Variants in CRAT observed in about 807,000 individuals in gnomAD.
CRAT encodes carnitine acetylase.
In CRAT, 66 loss-of-function variants were observed where a neutral mutation model predicts 73.7. The ratio of observed to expected loss-of-function variants is 0.90; its 90% CI spans 0.73 to 1.10. CRAT has a LOEUF of 1.10. CRAT is among the 50% of genes least tolerant of loss of function. The pLI, the probability that CRAT is intolerant of heterozygous loss-of-function variation, is 0.00. For synonymous variants in CRAT, 321 were observed against 343.2 expected, an observed-to-expected ratio of 0.94 and a Z score of 0.71; for missense variants, 745 against 846.9, an observed-to-expected ratio of 0.88 and a Z score of 1.49.
chr9:129,100,190 G>C (rs1847573726), intron 7 of CRAT: 1 of 583,398 alleles, frequency 1.7e-6, no homozygotes, highest in Non-Finnish European at 3.0e-6. Flanking sequence ...TACTCTACCG[G>C]TGAGGTTGAC....
At chr9:129,108,825 G>A in intron 1 of CRAT, 1 of 1,304,270 alleles carries the variant, frequency 7.7e-7, no homozygotes. Context: ...CTGTCTGTCT[G>A]CCTTGGCTGG....
At chr9:129,099,539 G>C (rs1446226969) in intron 8 of CRAT, among the ~76,000 whole-genome samples, 1 of 151,070 alleles carries the variant, frequency 6.6e-6, no homozygotes, top group Non-Finnish European at 1.5e-5. Flanking sequence ...CAATTCTCCT[G>C]CCTCAGCCTC....
intron 1 of CRAT, chr9:129,108,615 G>C: frequency 1.8e-6 from 2 of 1,116,982 alleles, no homozygotes; most frequent in South Asian, 2.9e-5. Context: ...CAGTGCTGTG[G>C]CGAGAGAGCC....
At position 129,110,593 on chromosome 9, in the gene CRAT, C is replaced by G. The variant is rs1318236670; in HGVS notation, c.-84G>C. The G allele has an allele frequency of 3.4e-6, 5 of 1,450,524 alleles. No homozygotes were observed. Among genetic ancestry groups the G allele is most frequent in the Non-Finnish European group, 4.6e-6 (5 of 1,093,982 alleles). 89.9% of individuals were successfully genotyped at this position (1,450,524 alleles called of 1,614,324 possible). A position where few individuals can be genotyped will look rare whatever the true frequency, so the allele number is the denominator to read the frequency against. On this transcript the variant is annotated 5_prime_UTR_variant, in exon 1 of 14. Transcript: ENST00000318080. This position sits in a 1 kb window ranked among gnomAD's most constrained non-coding sequence, Gnocchi z 5.3. ...GCGCCGCCGCCGCCGCGGCTGGGGT[C>G]GGTGGGTCCTTGCTAGAGCCTTCGG... is the stretch of plus-strand genomic sequence containing the variant.
At chr9:129,104,727 C>A (rs1847895839) in intron 2 of CRAT, among the ~76,000 whole-genome samples, 2 of 151,108 alleles carry the variant, frequency 1.3e-5, no homozygotes, top group Non-Finnish European at 2.9e-5. Flanking sequence ...GCCTCAGCCT[C>A]CTGAGTAAGT....
Position 129,110,791 on chromosome 9 carries a change from G to T in CRAT, c.-282C>A. 1.8e-6 allele frequency: 1 copy of T among 544,396 alleles called. No homozygotes were observed. Among genetic ancestry groups the T allele is most frequent in the Non-Finnish European group, 3.1e-6 (1 of 321,348 alleles). The allele number at this position is 544,396 out of a possible 1,614,324, so 33.7% of individuals were successfully genotyped here. ...CCCGGGAGGTTGGCTGTGGGGCGGG[G>T]ACGGGGCATCGATGGGGCGGAGTCT... On this transcript the variant is annotated 5_prime_UTR_variant, in exon 1 of 14. Coordinates refer to ENST00000318080, the MANE Select transcript of CRAT (RefSeq NM_000755.5). This position sits in a 1 kb window ranked among gnomAD's most constrained non-coding sequence, Gnocchi z 5.3.
chr9:129,109,362 G>T, intron 1 of CRAT: 1 of 1,097,678 alleles, frequency 9.1e-7, no homozygotes, highest in Non-Finnish European at 1.2e-6. Context: ...CCTATTTCCT[G>T]TTTCTCTCCA....
At chr9:129,109,058 A>G in intron 1 of CRAT, 4 of 1,253,588 alleles carry the variant, frequency 3.2e-6, no homozygotes, top group Non-Finnish European at 4.1e-6. Flanking sequence ...AGGAATGGGG[A>G]GCAGGTGAGA....
At chr9:129,099,665 A>G (rs999255914) in intron 8 of CRAT, among the ~76,000 whole-genome samples, 1 of 150,904 alleles carries the variant, frequency 6.6e-6, no homozygotes, top group African/African-American at 2.4e-5. Context: ...CAAACTCCTG[A>G]CCTCAATTGA....
Position 129,098,114 on chromosome 9 carries a change from C to A in CRAT, c.1363G>T (p.Ala455Ser). The stretch of plus-strand genomic sequence containing the variant: ...CCCAGGTGAAACATGCGCAGGGAGG[C>A]ACTTTCATAGGTGGCACATGCCTGT... ...YGQACATYES[A>S]SLRMFHLGRT... Residue 455 changes from alanine (A) to serine (S), a missense_variant, in exon 11 of 14, where the codon GCC becomes TCC. By Grantham distance (99) the Ala-to-Ser change is moderately conservative (BLOSUM62 1). Transcript: ENST00000318080. 2 of 1,613,996 alleles carry A rather than the reference C, an allele frequency of 1.2e-6. No homozygotes were observed. The highest frequency in any genetic ancestry group is 1.7e-6 in the Non-Finnish European group (2 of 1,180,034).
chr9:129,107,963 C>G lies in CRAT; in HGVS notation c.142G>C (p.Asp48His), dbSNP rs776164365. The G allele has an allele frequency of 6.2e-7, 1 of 1,606,788 alleles. No individual in the cohort carries two copies. The highest frequency in any genetic ancestry group is 8.5e-7 in the Non-Finnish European group (1 of 1,178,602). ...LPVPPLQQSL[D>H]HYLKALQPIV... ...GGCTGCAGCGCCTTCAGGTAGTGGT[C>G]CAGGGACTGCTGGAGAGGGGGCACG... Residue 48 changes from aspartate to histidine, a missense_variant, in exon 2 of 14, where the codon GAC (aspartate) becomes CAC (histidine). Asp to His is a moderately conservative substitution (Grantham distance 81). Coordinates refer to ENST00000318080, the MANE Select transcript of CRAT (RefSeq NM_000755.5). This position sits in a 1 kb window ranked among gnomAD's most constrained non-coding sequence, Gnocchi z 5.0.
At position 129,098,047 on chromosome 9, in the gene CRAT, G is replaced by A; in HGVS notation, c.1430C>T (p.Thr477Ile). Residue 477 changes from threonine to isoleucine, a missense_variant, in exon 11 of 14, where the codon ACC (threonine) becomes ATC (isoleucine). Transcript: ENST00000318080. ...TIRSASMDSLTFVKAMDDSSV... is the reference protein window; with the variant it reads ...TIRSASMDSLIFVKAMDDSSV... ...GGAGTCATCCATGGCCTTGACAAAG[G>A]TGAGTGAGTCCATGGAAGCCGAGCG... is the stretch of plus-strand genomic sequence containing the variant. The A allele has an allele frequency of 6.2e-7, 1 of 1,614,024 alleles. No homozygotes were observed. Among genetic ancestry groups the A allele is most frequent in the Non-Finnish European group, 8.5e-7 (1 of 1,180,040 alleles).
chr9:129,109,740 G>T (rs925573647), intron 1 of CRAT, among the ~76,000 whole-genome samples: 1 of 152,144 alleles, frequency 6.6e-6, no homozygotes, highest in Non-Finnish European at 1.5e-5. Context: ...CTCTGGCCCC[G>T]TAGTGTGTGT....
At chr9:129,099,725 C>T in intron 8 of CRAT, 141 bp downstream of exon 8, 1 of 614,050 alleles carries the variant, frequency 1.6e-6, no homozygotes, top group Non-Finnish European at 2.8e-6. Flanking sequence ...CGTGAGCCAC[C>T]ATATCTGGCT....
At chr9:129,096,183 G>A in intron 12 of CRAT, 48 bp from the exon 13 acceptor site, 2 of 1,607,020 alleles carry the variant, frequency 1.2e-6, no homozygotes, top group East Asian at 2.2e-5. Context: ...GGACCCCCGG[G>A]GTATCCCTGC....
Position 129,110,462 on chromosome 9 carries a change from C to T in CRAT, c.27+21G>A. ...GCCCAGGCCGTCCAGGGCCCTCAGG[C>T]CCGGGATCCGCCGCACTCACCACGG... On this transcript the variant is annotated intron_variant, in intron 1 of 13. Coordinates refer to ENST00000318080, the MANE Select transcript of CRAT (RefSeq NM_000755.5). This position sits in a 1 kb window ranked among gnomAD's most constrained non-coding sequence, Gnocchi z 5.3. The T allele has an allele frequency of 6.3e-7, 1 of 1,576,494 alleles. No homozygotes were observed. Among genetic ancestry groups the T allele is most frequent in the Non-Finnish European group, 8.6e-7 (1 of 1,169,040 alleles).
At position 129,094,897 on chromosome 9, in the gene CRAT, C is replaced by A. The variant is rs1486791448; in HGVS notation, c.*500G>T. The stretch of plus-strand genomic sequence containing the variant: ...AGTGGAACCAGAGGCGGCTCGCTAG[C>A]AATGTTATCCACAGGAGCACAGCCG... On this transcript the variant is annotated 3_prime_UTR_variant, in exon 14 of 14. Transcript: ENST00000318080. 2 of 165,692 alleles carry A rather than the reference C, an allele frequency of 1.2e-5. No homozygotes were observed. The highest frequency in any genetic ancestry group is 2.6e-5 in the Non-Finnish European group (2 of 76,394). The allele number at this position is 165,692 out of a possible 1,614,324, so 10.3% of individuals were successfully genotyped here. A position where few individuals can be genotyped will look rare whatever the true frequency, so the allele number is the denominator to read the frequency against.
rs1223454518 is a variant in CRAT at position 129,095,404 on chromosome 9, T to G, written c.1874A>C (p.Lys625Thr). 6.2e-7 allele frequency: 1 copy of G among 1,610,766 alleles called. No homozygotes were observed. The part of the protein sequence containing the change: ...RALLQSHPRA[K>T]L ...GGCCTGAGTCCTAGGGGCTCAGAGC[T>G]TGGCCCGGGGGTGGCTCTGCAGCAG... is the stretch of plus-strand genomic sequence containing the variant. The change falls in exon 14 of 14, where the codon AAG becomes ACG. Residue 625 changes from lysine (K) to threonine (T), a missense_variant. Physicochemically the swap from Lys to Thr is moderately conservative, Grantham distance 78. Coordinates refer to ENST00000318080, the MANE Select transcript of CRAT (RefSeq NM_000755.5).
intron 8 of CRAT, 23 bp downstream of exon 8, chr9:129,099,843 G>T (rs1235223418): frequency 6.4e-7 from 1 of 1,570,572 alleles, no homozygotes; most frequent in Non-Finnish European, 8.7e-7. Context: ...GGGGAACTAG[G>T]CGAGAGATGT....
Sources: allele counts gnomAD v4.1 joint callset (sites outside exome capture counted in the v4.1 genomes callset), GRCh38; gene constraint gnomAD v4.1.1; non-coding constraint Gnocchi (gnomAD v3.1); transcripts MANE v1.5; gene names NCBI Gene and HGNC (gene_info 2026-07-23, HGNC 2026-07-21).